Variants in THBS4 observed in about 807,000 individuals in gnomAD.
THBS4 encodes thrombospondin-4.
Under a neutral mutation model 115.7 loss-of-function variants are expected in THBS4, and 90 were observed. The ratio of observed to expected loss-of-function variants is 0.78; its 90% CI spans 0.66 to 0.93. The LOEUF (loss-of-function observed/expected upper bound fraction) is 0.93, where lower values mean the gene tolerates loss of function less well. Among genes scored for constraint, THBS4 ranks in the 40% least tolerant of loss-of-function variants. The pLI, the probability that THBS4 is intolerant of heterozygous loss-of-function variation, is 0.00. For missense variants in THBS4, 1,087 were observed against 1,232.7 expected, an observed-to-expected ratio of 0.88 and a Z score of 1.77; for synonymous variants, 460 against 479.3, an observed-to-expected ratio of 0.96 and a Z score of 0.53.
intron 1 of THBS4, among the ~76,000 whole-genome samples, chr5:79,992,297 T>G (rs1484520878): frequency 6.6e-6 from 1 of 152,228 alleles, no homozygotes; most frequent in Non-Finnish European, 1.5e-5. Flanking sequence ...CACAGTAGTC[T>G]TTCTGGGACA....
chr5:80,019,501 A>G (rs1473987197), intron 2 of THBS4: 3 of 152,228 alleles, frequency 2.0e-5, no homozygotes, highest in Non-Finnish European at 4.4e-5. Flanking sequence ...TTGTAATTAT[A>G]CAAGAGATGT....
intron 21 of THBS4, 58 bp from the exon 22 acceptor site, chr5:80,083,022 T>C: frequency 6.6e-7 from 1 of 1,510,058 alleles, no homozygotes; most frequent in Non-Finnish European, 9.2e-7. Context: ...CGGGCGGGGG[T>C]CCGGGGTCCG....
At chr5:80,034,087 T>G (rs1476363195), upstream of THBS4, among the ~76,000 whole-genome samples, 2 of 152,214 alleles carry the variant, frequency 1.3e-5, no homozygotes, top group African/African-American at 2.4e-5. Flanking sequence ...TTCCCAAATC[T>G]AGTTTATCTC....
chr5:80,033,475 G>A (rs2112009775), upstream of THBS4, among the ~76,000 whole-genome samples: 1 of 152,330 alleles, frequency 6.6e-6, no homozygotes. Context: ...GGTGCAAATG[G>A]TGAGAAGGCA....
At chr5:80,049,496 T>C (rs1261344856) in intron 2 of THBS4, among the ~76,000 whole-genome samples, 1 of 152,204 alleles carries the variant, frequency 6.6e-6, no homozygotes, top group African/African-American at 2.4e-5. Flanking sequence ...CCTGACCAAA[T>C]TGTCAATTAC....
chr5:80,040,811 G>A (rs181846180), intron 2 of THBS4, among the ~76,000 whole-genome samples: 1 of 152,196 alleles, frequency 6.6e-6, no homozygotes, highest in East Asian at 1.9e-4. Context: ...AAGTTCAAGG[G>A]CATGGCCCTG....
chr5:80,007,073 C>G (rs1037821567), intron 2 of THBS4, among the ~76,000 whole-genome samples: 3 of 152,110 alleles, frequency 2.0e-5, no homozygotes, highest in Admixed American at 6.5e-5. Context: ...CAAGGAGATA[C>G]AGTCTCAGAA....
At position 80,068,380 on chromosome 5, in the gene THBS4, G is replaced by A; in HGVS notation, c.1347+255G>A. 3 of 408,190 alleles carry A rather than the reference G, an allele frequency of 7.3e-6. No individual in the cohort carries two copies. The South Asian group carries it at 8.5e-5, about 12-fold the overall frequency. 25.3% of individuals were successfully genotyped at this position (408,190 alleles called of 1,614,324 possible). Reference sequence around the variant, plus strand: ...TCCACTTGGGTACCTGGATGCCAGAGCCTCCGGTGAAGCCCCAGCTCCCAA... The same window carrying A: ...TCCACTTGGGTACCTGGATGCCAGAACCTCCGGTGAAGCCCCAGCTCCCAA... On this transcript the variant is annotated intron_variant, in intron 10 of 21. Transcript: ENST00000350881.
At chr5:80,061,878 C>T in intron 8 of THBS4, 46 bp downstream of exon 8, 1 of 1,550,514 alleles carries the variant, frequency 6.4e-7, no homozygotes, top group Non-Finnish European at 8.7e-7. Flanking sequence ...CTTAACAAAA[C>T]AACTGTGGTT....
At chr5:80,024,250 T>A (rs184126938) in intron 2 of THBS4, among the ~76,000 whole-genome samples, 32 of 152,298 alleles carry the variant, frequency 2.1e-4, no homozygotes, top group African/African-American at 7.7e-4. Flanking sequence ...CCCAAGGTCA[T>A]ATAGTCATGG....
chr5:80,070,881 G>GA, intron 12 of THBS4, 131 bp downstream of exon 12: 2 of 1,570,432 alleles, frequency 1.3e-6, no homozygotes, highest in South Asian at 2.3e-5. Context: ...CAGCACTGCA[G>GA]CTTTTTACCC....
At position 80,071,199 on chromosome 5, in the gene THBS4, T is replaced by C; in HGVS notation, c.1720+19T>C. On this transcript the variant is annotated intron_variant, in intron 13 of 21. Coordinates refer to ENST00000350881, the MANE Select transcript of THBS4 (RefSeq NM_003248.6). Reference sequence around the variant, plus strand: ...GGAGATGGTAGATTTATCTTGCTTTTGTCTTTTATTTGGAATTCAGTTGAC... The same window carrying C: ...GGAGATGGTAGATTTATCTTGCTTTCGTCTTTTATTTGGAATTCAGTTGAC... 1 of 1,561,576 alleles carries C rather than the reference T, an allele frequency of 6.4e-7. No individual in the cohort carries two copies. The highest frequency in any genetic ancestry group is 1.2e-5 in the South Asian group (1 of 82,166).
intron 16 of THBS4, among the ~76,000 whole-genome samples, chr5:80,077,780 G>A (rs967309288): frequency 1.3e-5 from 2 of 152,200 alleles, no homozygotes; most frequent in African/African-American, 4.8e-5. Context: ...AGAACTTCTT[G>A]AGGACAGAGT....
chr5:80,082,169 AC>A (rs1490635505), intron 20 of THBS4: 19 of 425,454 alleles, frequency 4.5e-5, no homozygotes, highest in Admixed American at 8.1e-5. Flanking sequence ...GGGAAGAAAC[AC>A]CCCCCACCCC....
chr5:80,040,052 AC>A, intron 1 of THBS4, 24 bp from the exon 2 acceptor site: 9 of 1,605,762 alleles, frequency 5.6e-6, no homozygotes, highest in Non-Finnish European at 7.7e-6. Context: ...TTTCACTTAT[AC>A]CCCTTCTTCT....
chr5:80,056,039 A>G lies in THBS4; in HGVS notation c.540+7A>G, dbSNP rs1460875925. On this transcript the variant is annotated splice_region_variant and intron_variant, in intron 3 of 21. Transcript: ENST00000350881. ...TTTCCAGAGGAAGCCACAGGTAGGA[A>G]CCCACAAACCATTCTCTGAAGTGGA... The G allele has an allele frequency of 6.3e-7, 1 of 1,586,344 alleles. No homozygotes were observed. The highest frequency in any genetic ancestry group is 8.6e-7 in the Non-Finnish European group (1 of 1,163,080).
rs1259305765 is a variant in THBS4 at position 80,058,314 on chromosome 5, G to C, written c.649G>C (p.Gly217Arg). ...TGAGCCACTGGCTGCCACAGGCACA[G>C]GTGTGGGCTCTTGGGCAGTTTGCAT... ...QSEPLAATGT[G>R]DFNRQFLGQM... Residue 217 changes from glycine (G) to arginine (R), a missense_variant and splice_region_variant, in exon 4 of 22, where the codon GGG becomes CGG. Gly to Arg is a moderately radical substitution (Grantham distance 125). Transcript: ENST00000350881. The C allele has an allele frequency of 1.3e-6, 2 of 1,557,410 alleles. No individual in the cohort carries two copies. The highest frequency in any genetic ancestry group is 8.7e-7 in the Non-Finnish European group (1 of 1,149,904).
intron 2 of THBS4, among the ~76,000 whole-genome samples, chr5:80,002,945 T>A (rs1831934232): frequency 6.7e-6 from 1 of 149,606 alleles, no homozygotes; most frequent in Non-Finnish European, 1.5e-5. Context: ...AACAAAAACA[T>A]GTTGTCTTTC....
intron 2 of THBS4, among the ~76,000 whole-genome samples, chr5:80,043,840 C>A (rs896554897): frequency 2.0e-5 from 3 of 152,170 alleles, no homozygotes; most frequent in African/African-American, 7.2e-5. Context: ...TCTAGTGGCC[C>A]CCTTTCCAAA....
Sources: allele counts gnomAD v4.1 joint callset (sites outside exome capture counted in the v4.1 genomes callset), GRCh38; gene constraint gnomAD v4.1.1; transcripts MANE v1.5; gene names NCBI Gene and HGNC (gene_info 2026-07-23, HGNC 2026-07-21).